Variants in ELP3 observed in about 807,000 individuals in gnomAD.
ELP3 encodes the protein elongator complex protein 3.
ELP3 carries 56 observed loss-of-function variants against 74.9 expected under a neutral mutation model. The ratio of observed to expected loss-of-function variants is 0.75; its 90% CI spans 0.60 to 0.93. ELP3 has a LOEUF of 0.93. Ranked by LOEUF, ELP3 falls within the 40% of genes least tolerant of loss-of-function variation. The pLI, the probability that ELP3 is intolerant of heterozygous loss-of-function variation, is 0.00. For missense variants in ELP3, 573 were observed against 686.5 expected (o/e 0.83, Z 1.85); for synonymous variants, 222 against 239.8 (o/e 0.93, Z 0.68).
chr8:28,123,803 C>T (rs983062979), intron 7 of ELP3, among the ~76,000 whole-genome samples: 1 of 144,624 alleles, frequency 6.9e-6, no homozygotes, highest in African/African-American at 2.7e-5. Flanking sequence ...CCTGGTCTTG[C>T]AGTTTACTTG....
chr8:28,162,544 G>A (rs1814143800), intron 14 of ELP3, among the ~76,000 whole-genome samples: 1 of 152,122 alleles, frequency 6.6e-6, no homozygotes, highest in African/African-American at 2.4e-5. Context: ...CTTCAATCCT[G>A]GGGAACAGCT....
At chr8:28,149,038 G>A (rs543690448) in intron 10 of ELP3, among the ~76,000 whole-genome samples, 11 of 152,298 alleles carry the variant, frequency 7.2e-5, no homozygotes, top group African/African-American at 2.6e-4. Context: ...ATGAGACACA[G>A]CAAGAAGGCA....
At chr8:28,119,784 C>G (rs1812294733) in intron 7 of ELP3, among the ~76,000 whole-genome samples, 1 of 151,754 alleles carries the variant, frequency 6.6e-6, no homozygotes, top group African/African-American at 2.4e-5. Flanking sequence ...CCAGAGGCAG[C>G]CGTTCTTCTG....
intron 14 of ELP3, among the ~76,000 whole-genome samples, chr8:28,185,898 T>C (rs185901610): frequency 2.0e-4 from 31 of 152,316 alleles, no homozygotes; most frequent in Admixed American, 9.1e-4. Context: ...GTGTTCAGAA[T>C]TACTCCGAAT....
chr8:28,109,747 C>A (rs1811838856), intron 5 of ELP3, among the ~76,000 whole-genome samples: 1 of 152,056 alleles, frequency 6.6e-6, no homozygotes, highest in Non-Finnish European at 1.5e-5. Flanking sequence ...GTGTTAAGTA[C>A]TATGTGTGGA....
At chr8:28,116,099 G>C (rs1334767088) in intron 7 of ELP3, among the ~76,000 whole-genome samples, 1 of 152,176 alleles carries the variant, frequency 6.6e-6, no homozygotes, top group Non-Finnish European at 1.5e-5. Context: ...AATGACCTGG[G>C]TAGGGTTGCC....
At chr8:28,161,763 C>T (rs1252303113) in intron 13 of ELP3, among the ~76,000 whole-genome samples, 1 of 152,152 alleles carries the variant, frequency 6.6e-6, no homozygotes, top group Non-Finnish European at 1.5e-5. Context: ...TTACATCATC[C>T]ACAACATACC....
At chr8:28,133,078 G>T (rs1415992207) in intron 9 of ELP3, among the ~76,000 whole-genome samples, 2 of 151,842 alleles carry the variant, frequency 1.3e-5, no homozygotes, top group African/African-American at 4.8e-5. Context: ...ATTCTCTCCT[G>T]TTTATTTTCT....
intron 14 of ELP3, among the ~76,000 whole-genome samples, chr8:28,183,688 G>A (rs1815113834): frequency 6.6e-6 from 1 of 152,174 alleles, no homozygotes; most frequent in Non-Finnish European, 1.5e-5. Context: ...GCCTCCCAAA[G>A]TGCTACAAAA....
At chr8:28,095,916 C>T (rs574217364) in intron 1 of ELP3, among the ~76,000 whole-genome samples, 62 of 152,284 alleles carry the variant, frequency 4.1e-4, no homozygotes, top group East Asian at 3.1e-3. Flanking sequence ...GGACCAGTAC[C>T]GGTTCATGGC....
At chr8:28,140,387 A>G (rs1813189526) in intron 10 of ELP3, among the ~76,000 whole-genome samples, 1 of 152,194 alleles carries the variant, frequency 6.6e-6, no homozygotes, top group Non-Finnish European at 1.5e-5. Context: ...TAAAATAGGA[A>G]TCCACTAGTT....
At chr8:28,153,977 C>A (rs1432733987) in intron 10 of ELP3, among the ~76,000 whole-genome samples, 5 of 152,304 alleles carry the variant, frequency 3.3e-5, no homozygotes, top group Middle Eastern at 6.8e-3. Context: ...CATTCATTTT[C>A]TTCTTAATTA....
chr8:28,154,308 A>T (rs1001537923), intron 10 of ELP3, among the ~76,000 whole-genome samples: 2 of 152,192 alleles, frequency 1.3e-5, no homozygotes, highest in African/African-American at 2.4e-5. Flanking sequence ...CCCTGTGGAC[A>T]ATGCTTTAGT....
chr8:28,096,056 G>A (rs1811241364), intron 1 of ELP3, among the ~76,000 whole-genome samples: 2 of 152,148 alleles, frequency 1.3e-5, no homozygotes, highest in Admixed American at 6.5e-5. Flanking sequence ...ATCAGCAGTG[G>A]CATTAGATTC....
chr8:28,136,136 AT>A (rs1168962918), intron 9 of ELP3, among the ~76,000 whole-genome samples: 1 of 151,646 alleles, frequency 6.6e-6, no homozygotes, highest in Non-Finnish European at 1.5e-5. Context: ...TAATTTTTGT[AT>A]TTTTAGTAGA....
intron 12 of ELP3, 77 bp downstream of exon 12, chr8:28,158,710 C>A: frequency 8.5e-7 from 1 of 1,174,702 alleles, no homozygotes; most frequent in Non-Finnish European, 1.3e-6. Context: ...ATATTCTTAA[C>A]CAAGGACAGA....
In ELP3 at chr8:28,097,256, A is replaced by G. The variant is rs779734365; in HGVS notation, c.57A>G (p.Ile19Met). ...LSPAELMMLT[I>M]GDVIKQLIEA... ...CTGCTGAGCTGATGATGCTGACTAT[A>G]GGAGATGTTATTAAACAACTGATTG... The change falls in exon 2 of 15, where the codon ATA (isoleucine) becomes ATG (methionine). Residue 19 changes from isoleucine (I) to methionine (M), a missense_variant. Physicochemically the swap from Ile to Met is conservative, Grantham distance 10. Transcript: ENST00000256398. 18 of 1,613,834 alleles carry G rather than the reference A, an allele frequency of 1.1e-5. No homozygotes were observed. Among genetic ancestry groups the G allele is most frequent in the Non-Finnish European group, 1.5e-5 (18 of 1,179,902 alleles).
chr8:28,133,377 A>G (rs1812854642), intron 9 of ELP3, among the ~76,000 whole-genome samples: 1 of 148,056 alleles, frequency 6.8e-6, no homozygotes, highest in Non-Finnish European at 1.5e-5. Context: ...ATTTTCCTTA[A>G]CCTATTGTTG....
intron 10 of ELP3, among the ~76,000 whole-genome samples, chr8:28,146,852 C>T (rs1006339859): frequency 2.0e-5 from 3 of 152,122 alleles, no homozygotes; most frequent in African/African-American, 7.2e-5. Context: ...CCATTGAATC[C>T]ATGTTGCATT....
Sources: gnomAD v4.1 joint callset for allele counts (sites outside exome capture counted in the v4.1 genomes callset) on GRCh38, gnomAD v4.1.1 for gene constraint, MANE v1.5 for transcripts, NCBI Gene and HGNC (gene_info 2026-07-23, HGNC 2026-07-21) for gene names.